Variants in EBF2 observed in about 807,000 individuals in gnomAD.
The protein encoded by EBF2 is transcription factor COE2.
EBF2 carries 21 observed loss-of-function variants against 72.8 expected under a neutral mutation model. The ratio of observed to expected loss-of-function variants is 0.29; its 90% CI spans 0.20 to 0.42. The LOEUF (loss-of-function observed/expected upper bound fraction) is 0.42, where lower values mean the gene tolerates loss of function less well. Among genes scored for constraint, EBF2 ranks in the 10% least tolerant of loss-of-function variants. EBF2 has a pLI of 1.00. For synonymous variants in EBF2, 299 were observed against 274.2 expected (o/e 1.09, Z -0.89); for missense variants, 637 against 731.2 (o/e 0.87, Z 1.49).
chr8:25,895,547 G>A (rs1246219360), intron 7 of EBF2, among the ~76,000 whole-genome samples: 4 of 152,146 alleles, frequency 2.6e-5, no homozygotes, highest in South Asian at 2.1e-4. Context: ...TTTTAAGAAC[G>A]GAATCTACAA....
intron 7 of EBF2, among the ~76,000 whole-genome samples, chr8:25,900,883 G>A (rs1175085763): frequency 2.6e-5 from 4 of 152,272 alleles, no homozygotes; most frequent in African/African-American, 9.6e-5. Flanking sequence ...CATACAGTTA[G>A]AAGGTGTAAC....
At chr8:25,984,938 A>G (rs80317283) in intron 6 of EBF2, among the ~76,000 whole-genome samples, 1 of 5,518 alleles carries the variant, frequency 1.8e-4, no homozygotes, top group Non-Finnish European at 1.5e-3. Context: ...CAGCTTCTGA[A>G]AAAAAAAAAA....
intron 6 of EBF2, among the ~76,000 whole-genome samples, chr8:25,967,943 T>C (rs1804139109): frequency 6.6e-6 from 1 of 152,256 alleles, no homozygotes; most frequent in African/African-American, 2.4e-5. Context: ...TACTATAGTA[T>C]GTATACTTAC....
chr8:25,924,033 G>A (rs563846215), intron 6 of EBF2, among the ~76,000 whole-genome samples: 22 of 152,276 alleles, frequency 1.4e-4, no homozygotes, highest in African/African-American at 5.3e-4. Flanking sequence ...TACCGATAAT[G>A]TAATGTAGGA....
chr8:25,890,456 G>A (rs1051732150), intron 7 of EBF2, among the ~76,000 whole-genome samples: 34 of 152,204 alleles, frequency 2.2e-4, no homozygotes, highest in African/African-American at 7.5e-4. Context: ...TCTAATGAGG[G>A]TGAGGGGAGA....
chr8:25,992,859 CCA>C (rs1407184587), intron 6 of EBF2, among the ~76,000 whole-genome samples: 1 of 151,500 alleles, frequency 6.6e-6, no homozygotes, highest in African/African-American at 2.4e-5. Flanking sequence ...AGCTATCACC[CCA>C]CTGCACTCCA....
intron 13 of EBF2, among the ~76,000 whole-genome samples, chr8:25,860,627 A>C (rs1802196568): frequency 6.6e-6 from 1 of 151,972 alleles, no homozygotes; most frequent in African/African-American, 2.4e-5. Flanking sequence ...TCCCAGGCTC[A>C]TGTGATCCTC....
intron 6 of EBF2, among the ~76,000 whole-genome samples, chr8:25,931,915 G>T (rs534309590): frequency 6.6e-6 from 1 of 152,044 alleles, no homozygotes; most frequent in Admixed American, 6.6e-5. Flanking sequence ...TTTTCATGTA[G>T]CAATAATAGT....
At chr8:25,987,848 T>A (rs1416601318) in intron 6 of EBF2, among the ~76,000 whole-genome samples, 1 of 152,118 alleles carries the variant, frequency 6.6e-6, no homozygotes, top group Non-Finnish European at 1.5e-5. Flanking sequence ...AGTAGCTGTG[T>A]GTCTGCAGAC....
At chr8:25,898,485 G>A (rs979546155) in intron 7 of EBF2, among the ~76,000 whole-genome samples, 8 of 151,614 alleles carry the variant, frequency 5.3e-5, no homozygotes, top group Non-Finnish European at 8.8e-5. Flanking sequence ...TGTCATTGAG[G>A]AGTGTGAAGA....
intron 10 of EBF2, among the ~76,000 whole-genome samples, chr8:25,870,732 A>G (rs1194476969): frequency 6.6e-6 from 1 of 152,198 alleles, no homozygotes; most frequent in Non-Finnish European, 1.5e-5. Context: ...TAGACATGGC[A>G]GAGTATCTTT....
chr8:26,002,698 GAAAT>G (rs1475070497), intron 6 of EBF2, among the ~76,000 whole-genome samples: 6 of 152,186 alleles, frequency 3.9e-5, no homozygotes, highest in Non-Finnish European at 8.8e-5. Flanking sequence ...TGCTGGGTGA[GAAAT>G]AAATAATGAG....
At chr8:25,923,488 C>G (rs889083670) in intron 6 of EBF2, among the ~76,000 whole-genome samples, 7 of 152,154 alleles carry the variant, frequency 4.6e-5, no homozygotes, top group Non-Finnish European at 1.0e-4. Flanking sequence ...GAACACACAA[C>G]CAGGCAATGA....
chr8:25,970,853 G>T (rs954052712), intron 6 of EBF2, among the ~76,000 whole-genome samples: 1 of 152,056 alleles, frequency 6.6e-6, no homozygotes, highest in African/African-American at 2.4e-5. Context: ...TTTATTTAGA[G>T]ACAGGATTTT....
intron 6 of EBF2, among the ~76,000 whole-genome samples, chr8:25,992,888 T>C (rs972065008): frequency 1.5e-5 from 2 of 132,648 alleles, no homozygotes; most frequent in Admixed American, 1.6e-4. Context: ...GCGACAAGAA[T>C]GAGGCCTTGT....
At chr8:25,972,943 T>C (rs1431318827) in intron 6 of EBF2, among the ~76,000 whole-genome samples, 1 of 144,686 alleles carries the variant, frequency 6.9e-6, no homozygotes, top group Non-Finnish European at 1.5e-5. Context: ...TCAAAATAAG[T>C]CCCTCTCTCC....
intron 6 of EBF2, among the ~76,000 whole-genome samples, chr8:26,019,407 C>G (rs1311111952): frequency 6.6e-6 from 1 of 152,186 alleles, no homozygotes; most frequent in Admixed American, 6.5e-5. Flanking sequence ...ATTCCACAGA[C>G]AGAATAGATC....
At chr8:25,958,051 G>T (rs887185676) in intron 6 of EBF2, among the ~76,000 whole-genome samples, 1 of 152,156 alleles carries the variant, frequency 6.6e-6, no homozygotes, top group African/African-American at 2.4e-5. Context: ...TCTCTTTGCT[G>T]CATGTCTTCT....
intron 10 of EBF2, among the ~76,000 whole-genome samples, chr8:25,879,130 G>A (rs892825239): frequency 6.6e-5 from 10 of 152,142 alleles, no homozygotes; most frequent in Admixed American, 5.9e-4. Context: ...TACTAGGGTT[G>A]TTTGTAAAAC....
Sources: gnomAD v4.1 joint callset for allele counts (sites outside exome capture counted in the v4.1 genomes callset) on GRCh38, gnomAD v4.1.1 for gene constraint, MANE v1.5 for transcripts, NCBI Gene and HGNC (gene_info 2026-07-23, HGNC 2026-07-21) for gene names.